The following ADAMTS14 variants were observed in gnomAD, a reference collection of about 807,000 sequenced individuals.
ADAMTS14 encodes ADAM metallopeptidase with thrombospondin type 1 motif 14.
ADAMTS14 carries 100 observed loss-of-function variants against 128.6 expected under a neutral mutation model. That is an observed-to-expected ratio of 0.78 (90% confidence interval 0.66 to 0.92). The LOEUF (loss-of-function observed/expected upper bound fraction) is 0.92. Among genes scored for constraint, ADAMTS14 ranks in the 40% least tolerant of loss-of-function variants. The probability of loss-of-function intolerance (pLI) is 0.00; values close to 1 mark genes in which losing one functional copy is unlikely to be tolerated. For synonymous variants in ADAMTS14, 665 were observed against 653.8 expected, an observed-to-expected ratio of 1.02 and a Z score of -0.26; for missense variants, 1,562 against 1,658.6, an observed-to-expected ratio of 0.94 and a Z score of 1.01.
rs1842386882 is a variant in ADAMTS14, at chr10:70,752,792, C to T, written c.2729+565C>T. ...GCTGCCTGGGTCTCGTCAGCTTCTG[C>T]TCCCCTGGGCTGGGGGAGCCCCAGG... On this transcript the variant is annotated intron_variant, in intron 18 of 21. Coordinates refer to ENST00000373207, the MANE Select transcript of ADAMTS14 (RefSeq NM_080722.4). Among the ~76,000 whole-genome samples, 6 of 152,322 alleles carry T rather than the reference C, an allele frequency of 3.9e-5. No homozygotes were observed. The South Asian group carries it at 1.2e-3, about 32-fold the overall frequency.
chr10:70,704,282 C>A (rs1840582734), intron 3 of ADAMTS14, among the ~76,000 whole-genome samples: 1 of 152,046 alleles, frequency 6.6e-6, no homozygotes, highest in South Asian at 2.1e-4. Flanking sequence ...CAATTCCTCT[C>A]GGCACTCAGT....
At chr10:70,675,674 C>T (rs140782422) in intron 2 of ADAMTS14, among the ~76,000 whole-genome samples, 34 of 152,308 alleles carry the variant, frequency 2.2e-4, no homozygotes, top group Middle Eastern at 3.4e-3. Context: ...AGTCTGGGAG[C>T]GCCTCTGCTA....
Position 70,736,701 on chromosome 10 carries a change from A to G in ADAMTS14, c.1507A>G (p.Lys503Glu). Residue 503 changes from lysine to glutamate, a missense_variant, in exon 10 of 22, where the codon AAG becomes GAG. Lys to Glu is a moderately conservative substitution (Grantham distance 56, BLOSUM62 1). Coordinates refer to ENST00000373207, the MANE Select transcript of ADAMTS14 (RefSeq NM_080722.4). The part of the protein sequence containing the change: ...CLAFRTFEPC[K>E]QLWCSHPDNP... ...GCAGTTCAGGACCTTTGAGCCCTGCAAGCAGCTGTGGTGCAGCCATCCTGA... is the reference window on the plus strand; with the variant it reads ...GCAGTTCAGGACCTTTGAGCCCTGCGAGCAGCTGTGGTGCAGCCATCCTGA... The G allele has an allele frequency of 6.2e-7, 1 of 1,613,864 alleles. No individual in the cohort carries two copies. The highest frequency in any genetic ancestry group is 8.5e-7 in the Non-Finnish European group (1 of 1,179,844).
intron 2 of ADAMTS14, among the ~76,000 whole-genome samples, chr10:70,697,567 A>C (rs1840366204): frequency 6.6e-6 from 1 of 152,252 alleles, no homozygotes; most frequent in Non-Finnish European, 1.5e-5. Context: ...GTACACATGC[A>C]CACATACGTA....
At chr10:70,759,564 T>C (rs1842558946) in intron 21 of ADAMTS14, among the ~76,000 whole-genome samples, 1 of 152,228 alleles carries the variant, frequency 6.6e-6, no homozygotes, top group Non-Finnish European at 1.5e-5. Flanking sequence ...ATCAGCCCCA[T>C]TTTATAGGTG....
At chr10:70,727,948 TA>T (rs1165063027) in intron 4 of ADAMTS14, among the ~76,000 whole-genome samples, 6 of 151,780 alleles carry the variant, frequency 4.0e-5, no homozygotes, top group African/African-American at 1.5e-4. Context: ...ACAAAATAAT[TA>T]GAAGGGTGTG....
At chr10:70,683,777 C>G (rs1240575144) in intron 2 of ADAMTS14, among the ~76,000 whole-genome samples, 1 of 152,306 alleles carries the variant, frequency 6.6e-6, no homozygotes, top group Non-Finnish European at 1.5e-5. Context: ...AAGGCCCAAG[C>G]TGGCTTCTTT....
chr10:70,676,891 A>G (rs952279669), intron 2 of ADAMTS14, among the ~76,000 whole-genome samples: 2 of 152,240 alleles, frequency 1.3e-5, no homozygotes, highest in Non-Finnish European at 2.9e-5. Flanking sequence ...AATTCCTTCT[A>G]AAGTCATCAC....
At chr10:70,714,776 C>T (rs10999478) in intron 4 of ADAMTS14, among the ~76,000 whole-genome samples, 12,735 of 151,694 alleles carry the variant, frequency 0.084, 1,018 homozygotes, top group East Asian at 0.48. Flanking sequence ...GGCGAAACCC[C>T]GTCTTTACTA....
rs576386637 is a variant in ADAMTS14, at chr10:70,690,844, C to T, written c.523-11468C>T. Among the ~76,000 whole-genome samples, 131 of 145,248 alleles carry T rather than the reference C, an allele frequency of 9.0e-4. 11 individuals are homozygous for T. The highest frequency in any genetic ancestry group is 2.8e-3 in the African/African-American group (117 of 41,092). ...TCCGCTCAGGGCCTGGCAGCCACAC[C>T]GCCTGCTGGCACTTGAGGGCTGCTT... On this transcript the variant is annotated intron_variant, in intron 2 of 21. Transcript: ENST00000373207.
At chr10:70,687,084 C>T (rs1348400542) in intron 2 of ADAMTS14, among the ~76,000 whole-genome samples, 4 of 122,324 alleles carry the variant, frequency 3.3e-5, no homozygotes, top group African/African-American at 9.2e-5. Context: ...CCCTCCCGGA[C>T]GGGGCGGCTG....
At chr10:70,748,456 AG>A (rs1842249962) in intron 15 of ADAMTS14, among the ~76,000 whole-genome samples, 1 of 152,220 alleles carries the variant, frequency 6.6e-6, no homozygotes, top group Non-Finnish European at 1.5e-5. Flanking sequence ...CTGGGTGGGC[AG>A]GAGGCGAGGG....
Position 70,753,885 on chromosome 10 carries a change from C to A in ADAMTS14, c.2815C>A (p.Leu939Ile), listed in dbSNP as rs368647458. The A allele has an allele frequency of 1.9e-5, 30 of 1,591,922 alleles. No individual in the cohort carries two copies. Among genetic ancestry groups the A allele is most frequent in the Non-Finnish European group, 2.6e-5 (30 of 1,170,328 alleles). ...ACGGGGGATACAGTGCCTGCTGCCC[C>A]TCTCCAATGGAACCCACAAGGTCAT... ...QTRGIQCLLPLSNGTHKVMPA... is the reference protein window; with the variant it reads ...QTRGIQCLLPISNGTHKVMPA... The change falls in exon 19 of 22, where the codon CTC becomes ATC. Residue 939 changes from leucine to isoleucine, a missense_variant. Coordinates refer to ENST00000373207, the MANE Select transcript of ADAMTS14 (RefSeq NM_080722.4).
chr10:70,689,321 C>G lies in ADAMTS14; in HGVS notation c.523-12991C>G, dbSNP rs563041497. Among the ~76,000 whole-genome samples the G allele has an allele frequency of 8.5e-4, 123 of 144,808 alleles. 9 individuals carry two copies. Among genetic ancestry groups the G allele is most frequent in the Middle Eastern group, 7.2e-3 (2 of 276 alleles). 95.0% of individuals were successfully genotyped at this position (144,808 alleles called of 152,430 possible). The stretch of plus-strand genomic sequence containing the variant: ...TCATTCCAAAGTCAGTTGTGCAGCA[C>G]CAACCAGTTCATCCCCCTGAAGCTC... On this transcript the variant is annotated intron_variant, in intron 2 of 21. Transcript: ENST00000373207.
At chr10:70,736,406 C>T (rs905774658) in intron 9 of ADAMTS14, among the ~76,000 whole-genome samples, 2 of 152,120 alleles carry the variant, frequency 1.3e-5, no homozygotes, top group African/African-American at 4.8e-5. Context: ...CAAATGGCCT[C>T]TGTAAAGCGG....
intron 4 of ADAMTS14, among the ~76,000 whole-genome samples, chr10:70,709,646 A>G (rs1279524057): frequency 2.0e-5 from 3 of 151,822 alleles, no homozygotes; most frequent in African/African-American, 7.3e-5. Flanking sequence ...GACTACAGGC[A>G]CCTGCCACCA....
At chr10:70,702,950 A>G (rs947704239) in intron 3 of ADAMTS14, among the ~76,000 whole-genome samples, 2 of 152,172 alleles carry the variant, frequency 1.3e-5, no homozygotes, top group African/African-American at 4.8e-5. Context: ...GTGTGACCCT[A>G]GCAAGTTACC....
chr10:70,718,858 C>CT (rs970686805), intron 4 of ADAMTS14, among the ~76,000 whole-genome samples: 61 of 148,520 alleles, frequency 4.1e-4, no homozygotes, highest in African/African-American at 6.2e-4. Context: ...TCTTCTTCTT[C>CT]TTTTTTTTTT....
intron 9 of ADAMTS14, among the ~76,000 whole-genome samples, 186 bp from the exon 10 acceptor site, chr10:70,736,493 AG>A: frequency 6.6e-6 from 1 of 152,244 alleles, no homozygotes; most frequent in Non-Finnish European, 1.5e-5. Flanking sequence ...TGGAGAAAGG[AG>A]GGGTCCCTGG....
Sources: gnomAD v4.1 joint callset for allele counts (sites outside exome capture counted in the v4.1 genomes callset) on GRCh38, gnomAD v4.1.1 for gene constraint, MANE v1.5 for transcripts, NCBI Gene and HGNC (gene_info 2026-07-23, HGNC 2026-07-21) for gene names.